NREP: variants seen among roughly 807,000 people sequenced by gnomAD.
NREP encodes the protein neuronal regeneration related protein, also known as neuronal regeneration-related protein.
NREP carries 5 observed loss-of-function variants against 8.6 expected under a neutral mutation model. That is an observed-to-expected ratio of 0.58 (90% CI 0.30 to 1.22). NREP has a LOEUF of 1.22. Ranked by LOEUF, NREP falls within the 50% of genes most tolerant of loss-of-function variation. NREP has a pLI of 0.07. For missense variants in NREP, 86 were observed against 82.5 expected, an observed-to-expected ratio of 1.04 and a Z score of -0.17; for synonymous variants, 27 against 28.0, an observed-to-expected ratio of 0.96 and a Z score of 0.11.
intron 2 of NREP, among the ~76,000 whole-genome samples, chr5:111,816,888 A>G (rs1013935310): frequency 5.9e-5 from 9 of 151,946 alleles, no homozygotes; most frequent in Admixed American, 2.6e-4. Flanking sequence ...AAGTAAAAGG[A>G]TGGAAAAAGA....
intron 2 of NREP, among the ~76,000 whole-genome samples, chr5:111,833,115 G>C (rs552386643): frequency 1.3e-5 from 2 of 152,118 alleles, no homozygotes; most frequent in Admixed American, 1.3e-4. Flanking sequence ...TACCTTAAAG[G>C]TGTTCATAAA....
intron 2 of NREP, among the ~76,000 whole-genome samples, chr5:111,862,307 T>A (rs1438142211): frequency 6.6e-6 from 1 of 152,180 alleles, no homozygotes; most frequent in African/African-American, 2.4e-5. Flanking sequence ...AAACAGACTG[T>A]CATTGAAATA....
At chr5:111,826,327 G>T (rs890018144) in intron 2 of NREP, among the ~76,000 whole-genome samples, 1 of 152,274 alleles carries the variant, frequency 6.6e-6, no homozygotes. Flanking sequence ...AGCAGGCCAC[G>T]CGTCACCACT....
intron 2 of NREP, among the ~76,000 whole-genome samples, chr5:111,914,755 C>T (rs1371720364): frequency 6.6e-6 from 1 of 151,976 alleles, no homozygotes; most frequent in South Asian, 2.1e-4. Context: ...AGCTGAAGTT[C>T]CACAAAATGG....
At chr5:111,955,477 AAAAAC>A (rs1756287784) in intron 2 of NREP, among the ~76,000 whole-genome samples, 1 of 109,766 alleles carries the variant, frequency 9.1e-6, no homozygotes, top group Non-Finnish European at 2.2e-5. Context: ...CAGAAAAAAA[AAAAAC>A]AAAAAACAAA....
chr5:111,853,587 A>G (rs1293817178), intron 2 of NREP, among the ~76,000 whole-genome samples: 2 of 152,248 alleles, frequency 1.3e-5, no homozygotes, highest in African/African-American at 4.8e-5. Context: ...TACAACTACC[A>G]AAAAAAGTTT....
intron 2 of NREP, among the ~76,000 whole-genome samples, chr5:111,851,336 C>A (rs1753304100): frequency 6.6e-6 from 1 of 152,198 alleles, no homozygotes; most frequent in African/African-American, 2.4e-5. Context: ...AAGCCTCCTG[C>A]AGATACTCTG....
intron 2 of NREP, among the ~76,000 whole-genome samples, chr5:111,779,980 G>A (rs1751455265): frequency 1.3e-5 from 2 of 152,182 alleles, no homozygotes; most frequent in African/African-American, 4.8e-5. Context: ...GAATGCTTTG[G>A]AAATCAGAGA....
At chr5:111,746,350 C>G (rs1487814987) in intron 2 of NREP, among the ~76,000 whole-genome samples, 1 of 151,856 alleles carries the variant, frequency 6.6e-6, no homozygotes, top group Non-Finnish European at 1.5e-5. Flanking sequence ...ATTCTATTAT[C>G]AAGAAGTAAA....
At chr5:111,734,780 C>T (rs1322397929) in intron 3 of NREP, 1 of 692,616 alleles carries the variant, frequency 1.4e-6, no homozygotes, top group Non-Finnish European at 2.6e-6. Flanking sequence ...AAAGTATACT[C>T]TCCCCGCTTG....
chr5:111,941,825 A>T (rs1296493070), intron 2 of NREP, among the ~76,000 whole-genome samples: 1 of 152,070 alleles, frequency 6.6e-6, no homozygotes, highest in East Asian at 1.9e-4. Flanking sequence ...AAGGAATGTA[A>T]ATCTACATTC....
intron 2 of NREP, among the ~76,000 whole-genome samples, chr5:111,877,112 C>A (rs556714950): frequency 6.6e-6 from 1 of 152,258 alleles, no homozygotes; most frequent in South Asian, 2.1e-4. Flanking sequence ...GTATAACAAA[C>A]CTAACAAGTT....
chr5:111,920,867 T>G (rs1055645155), intron 2 of NREP, among the ~76,000 whole-genome samples: 12 of 152,152 alleles, frequency 7.9e-5, no homozygotes, highest in Non-Finnish European at 1.8e-4. Flanking sequence ...TCCCACTGTG[T>G]GAGCCATCTT....
chr5:111,739,874 T>C (rs531863042), intron 2 of NREP: 1 of 152,312 alleles, frequency 6.6e-6, no homozygotes, highest in Admixed American at 6.5e-5. Flanking sequence ...AAAACTGCTT[T>C]TTCCATGTAT....
intron 2 of NREP, among the ~76,000 whole-genome samples, chr5:111,860,102 T>A (rs1024051368): frequency 6.6e-6 from 1 of 152,174 alleles, no homozygotes; most frequent in Non-Finnish European, 1.5e-5. Flanking sequence ...GAATAAACTT[T>A]CTTGGATGGG....
intron 2 of NREP, among the ~76,000 whole-genome samples, chr5:111,783,765 G>T (rs1581114978): frequency 1.3e-5 from 2 of 152,006 alleles, no homozygotes; most frequent in Non-Finnish European, 2.9e-5. Context: ...TGCCAATTTT[G>T]TTTTGTAAAT....
intron 2 of NREP, among the ~76,000 whole-genome samples, chr5:111,892,080 A>G (rs1754408312): frequency 1.3e-5 from 2 of 152,364 alleles, no homozygotes; most frequent in East Asian, 1.9e-4. Context: ...ATTTAGTGAG[A>G]AAAGTAGAAA....
At chr5:111,749,046 T>A (rs1581072428) in intron 2 of NREP, among the ~76,000 whole-genome samples, 1 of 152,084 alleles carries the variant, frequency 6.6e-6, no homozygotes, top group South Asian at 2.1e-4. Flanking sequence ...AGAATCAAGA[T>A]AAGCAAAGGC....
intron 2 of NREP, among the ~76,000 whole-genome samples, chr5:111,908,456 G>C (rs925694041): frequency 1.3e-5 from 2 of 151,962 alleles, no homozygotes; most frequent in Non-Finnish European, 2.9e-5. Flanking sequence ...GGAGTCACCA[G>C]TGTCTCTTAG....
Sources: gnomAD v4.1 joint callset for allele counts (sites outside exome capture counted in the v4.1 genomes callset) on GRCh38, gnomAD v4.1.1 for gene constraint, MANE v1.5 for transcripts, NCBI Gene and HGNC (gene_info 2026-07-23, HGNC 2026-07-21) for gene names.